DMD: variants seen among roughly 807,000 people sequenced by gnomAD.
DMD encodes the protein dystrophin.
DMD carries 63 observed loss-of-function variants against 330.1 expected under a neutral mutation model. The ratio of observed to expected loss-of-function variants is 0.19; its 90% confidence interval spans 0.16 to 0.24. The LOEUF is 0.24. Among genes scored for constraint, DMD ranks in the 10% least tolerant of loss-of-function variants. The pLI, the probability that DMD is intolerant of heterozygous loss-of-function variation, is 1.00. For missense variants in DMD, 3,344 were observed against 2,684.1 expected (o/e 1.25, Z -5.43); for synonymous variants, 1,223 against 959.8 (o/e 1.27, Z -5.07).
chrX:31,571,537 A>G (rs2075821979), intron 55 of DMD, among the ~76,000 whole-genome samples: 1 of 110,985 alleles, frequency 9.0e-6, no homozygotes, highest in Non-Finnish European at 1.9e-5. Flanking sequence ...TTTCCTCGGT[A>G]TGGAACATCA....
intron 63 of DMD, among the ~76,000 whole-genome samples, chrX:31,260,000 C>T (rs1181080114): frequency 1.9e-5 from 2 of 106,778 alleles, no homozygotes; most frequent in Non-Finnish European, 4.0e-5. Context: ...AAAGACATGA[C>T]GTTTTTATAT....
At chrX:31,449,263 G>T (rs1327632703) in intron 59 of DMD, among the ~76,000 whole-genome samples, 1 of 111,405 alleles carries the variant, frequency 9.0e-6, no homozygotes, top group Non-Finnish European at 1.9e-5. Context: ...ATGAATTAAG[G>T]GTAAGTGGGA....
In DMD at chrX:31,499,114, T is replaced by C. The variant is rs141981142; in HGVS notation, c.8391-2170A>G. Among the ~76,000 whole-genome samples, 530 of 111,815 alleles carry C rather than the reference T, an allele frequency of 4.7e-3. 4 individuals are homozygous for C. The highest frequency in any genetic ancestry group is 0.016 in the African/African-American group (493 of 30,813). ...AAAAGTAGGTGGAGAGAGGTAGGGC[T>C]CAGACATGGAAAAGCAGCAAATGGT... On this transcript the variant is annotated intron_variant, in intron 56 of 78. Coordinates refer to ENST00000357033, the MANE Select transcript of DMD (RefSeq NM_004006.3).
chrX:31,794,989 T>C (rs779710636), intron 50 of DMD, among the ~76,000 whole-genome samples: 2 of 112,304 alleles, frequency 1.8e-5, no homozygotes, highest in East Asian at 5.6e-4. Flanking sequence ...TATAGGTTCG[T>C]TGAACAAATA....
At chrX:31,243,506 G>A (rs2048552431) in intron 63 of DMD, among the ~76,000 whole-genome samples, 1 of 112,216 alleles carries the variant, frequency 8.9e-6, no homozygotes, top group East Asian at 2.8e-4. Flanking sequence ...GAAGAGTTGT[G>A]TTTGGTTAAC....
chrX:33,272,300 A>G (rs896301040), intron 1 of DMD, among the ~76,000 whole-genome samples: 7 of 112,104 alleles, frequency 6.2e-5, no homozygotes, highest in African/African-American at 2.3e-4. Context: ...GGATTTGGGG[A>G]GAACTTGGAC....
chrX:31,715,102 T>C (rs1480206322), intron 52 of DMD, among the ~76,000 whole-genome samples: 2 of 110,457 alleles, frequency 1.8e-5, no homozygotes, highest in Non-Finnish European at 3.8e-5. Context: ...TCTTAAGTTA[T>C]AACATAACAT....
At chrX:32,013,710 T>C (rs1259833149) in intron 44 of DMD, among the ~76,000 whole-genome samples, 1 of 112,101 alleles carries the variant, frequency 8.9e-6, no homozygotes, top group Non-Finnish European at 1.9e-5. Flanking sequence ...AAAGATAAGA[T>C]ATTGATCACG....
chrX:32,811,832 C>T (rs1244487095), intron 6 of DMD, among the ~76,000 whole-genome samples: 2 of 109,721 alleles, frequency 1.8e-5, no homozygotes, highest in South Asian at 3.8e-4. Flanking sequence ...ATTAAATAGA[C>T]GTTTCGACTT....
At chrX:31,455,937 T>C (rs1459487946) in intron 59 of DMD, among the ~76,000 whole-genome samples, 7 of 111,636 alleles carry the variant, frequency 6.3e-5, no homozygotes, top group Non-Finnish European at 1.9e-5. Context: ...TACTACCAAA[T>C]TGGTTAGGCT....
At chrX:31,402,196 T>C (rs1810738594) in intron 60 of DMD, among the ~76,000 whole-genome samples, 1 of 111,232 alleles carries the variant, frequency 9.0e-6, no homozygotes, top group Non-Finnish European at 1.9e-5. Flanking sequence ...AGAAAACTGG[T>C]GTGTAGAGCA....
At position 31,370,155 on chromosome X, in the gene DMD, G is replaced by C. The variant is rs114605453; in HGVS notation, c.9085-21521C>G. On this transcript the variant is annotated intron_variant, in intron 60 of 78. Coordinates refer to ENST00000357033, the MANE Select transcript of DMD (RefSeq NM_004006.3). The stretch of plus-strand genomic sequence containing the variant: ...TCTTTGGGATCCAGGGCTAGGCAAA[G>C]TATTCTTAGACTCAACACAAAAGCA... Among the ~76,000 whole-genome samples the C allele has an allele frequency of 7.3e-3, 773 of 106,303 alleles. 9 individuals are homozygous for C. The highest frequency in any genetic ancestry group is 0.025 in the African/African-American group (736 of 29,130). 92.3% of individuals were successfully genotyped at this position (106,303 alleles called of 115,157 possible).
intron 1 of DMD, among the ~76,000 whole-genome samples, chrX:33,097,950 A>G (rs2095191435): frequency 9.0e-6 from 1 of 111,198 alleles, no homozygotes; most frequent in Admixed American, 9.6e-5. Context: ...ATAGTCACAT[A>G]TGGCTATTGG....
chrX:33,157,916 C>T (rs1414959066), intron 1 of DMD, among the ~76,000 whole-genome samples: 1 of 111,920 alleles, frequency 8.9e-6, no homozygotes, highest in Non-Finnish European at 1.9e-5. Context: ...GAGATCGCAC[C>T]ATTGCACTCC....
Position 31,761,821 on chromosome X carries a change from C to T in DMD, c.7542+12139G>A, listed in dbSNP as rs191527367. On this transcript the variant is annotated intron_variant, in intron 51 of 78. Transcript: ENST00000357033. The stretch of plus-strand genomic sequence containing the variant: ...AACTAAGAAGACAGGAAAACAATCA[C>T]ATCATATTTAGCTAAGTTAAAACTG... Among the ~76,000 whole-genome samples, 7 of 112,164 alleles carry T rather than the reference C, an allele frequency of 6.2e-5. No individual in the cohort carries two copies. The East Asian group carries it at 2.0e-3, about 32-fold the overall frequency.
chrX:31,969,756 A>T (rs1223472678), intron 44 of DMD, among the ~76,000 whole-genome samples: 3 of 111,993 alleles, frequency 2.7e-5, no homozygotes, highest in Admixed American at 9.5e-5. Flanking sequence ...ACAGTTAGCA[A>T]TTAAAATACT....
At chrX:32,173,418 G>T (rs1233410700) in intron 44 of DMD, among the ~76,000 whole-genome samples, 1 of 110,838 alleles carries the variant, frequency 9.0e-6, no homozygotes, top group Non-Finnish European at 1.9e-5. Context: ...CTGTCACCAG[G>T]CTGGAGTGCA....
At chrX:32,894,457 G>A (rs997972142) in intron 2 of DMD, among the ~76,000 whole-genome samples, 2 of 112,709 alleles carry the variant, frequency 1.8e-5, no homozygotes, top group African/African-American at 6.4e-5. Context: ...TGGCGGCGGT[G>A]GGATGAGCGG....
intron 74 of DMD, among the ~76,000 whole-genome samples, chrX:31,152,348 G>A (rs772907231): frequency 9.1e-6 from 1 of 109,846 alleles, no homozygotes; most frequent in Non-Finnish European, 1.9e-5. Context: ...ATTTTTAGTA[G>A]AGGCAGGGTT....
Sources: gnomAD v4.1 joint callset for allele counts (sites outside exome capture counted in the v4.1 genomes callset) on GRCh38, gnomAD v4.1.1 for gene constraint, MANE v1.5 for transcripts, NCBI Gene and HGNC (gene_info 2026-07-23, HGNC 2026-07-21) for gene names.